The following SNX18 variants were observed in gnomAD, a reference collection of about 807,000 sequenced individuals.
The protein encoded by SNX18 is sorting nexin-18.
Under a neutral mutation model 48.7 loss-of-function variants are expected in SNX18, and 35 were observed. That is an observed-to-expected ratio of 0.72 (90% CI 0.55 to 0.95). The LOEUF (loss-of-function observed/expected upper bound fraction) is 0.95, where lower values mean the gene tolerates loss of function less well. Ranked by LOEUF, SNX18 falls within the 40% of genes least tolerant of loss-of-function variation. SNX18 has a pLI of 0.00. For synonymous variants in SNX18, 492 were observed against 384.7 expected (o/e 1.28, Z -3.26); for missense variants, 824 against 871.0 (o/e 0.95, Z 0.68).
At chr5:54,629,544 C>A in the SNX18 span, among the ~76,000 whole-genome samples, 1 of 151,988 alleles carries the variant, frequency 6.6e-6, no homozygotes, top group Admixed American at 6.6e-5. Flanking sequence ...GATTTCTGAC[C>A]CCTGTTTGAA....
chr5:54,596,085 A>C, the SNX18 span, among the ~76,000 whole-genome samples: 1 of 152,224 alleles, frequency 6.6e-6, no homozygotes, highest in African/African-American at 2.4e-5. Context: ...AAGACCTCTG[A>C]TCTCCAGAGT....
At chr5:54,586,810 G>C in the SNX18 span, among the ~76,000 whole-genome samples, 1 of 152,152 alleles carries the variant, frequency 6.6e-6, no homozygotes, top group African/African-American at 2.4e-5. Context: ...TATGAAGCCA[G>C]CAGCAAAGTC....
chr5:54,639,976 T>TTG, the SNX18 span, among the ~76,000 whole-genome samples: 1 of 152,178 alleles, frequency 6.6e-6, no homozygotes, highest in African/African-American at 2.4e-5. Flanking sequence ...TGGCACTCCA[T>TTG]TGTAAGGATT....
At chr5:54,521,180 A>G (rs181109540) in intron 1 of SNX18, among the ~76,000 whole-genome samples, 2 of 152,230 alleles carry the variant, frequency 1.3e-5, no homozygotes, top group South Asian at 2.1e-4. Context: ...AGTTTGTGCA[A>G]ATTACTGGTG....
At chr5:54,587,555 C>A in the SNX18 span, among the ~76,000 whole-genome samples, 2 of 152,258 alleles carry the variant, frequency 1.3e-5, no homozygotes, top group East Asian at 3.9e-4. Context: ...TCCTTTCTCT[C>A]CGTGGTGCCC....
rs773962863 is a variant in SNX18 at position 54,518,075 on chromosome 5, G to C, written c.123G>C (p.Gly41=). ...AGGACATCGAGGGCTGGCTCGAGGG[G>C]GTCAACAGCCGCGGCGACCGCGGCC... ...SEQDIEGWLE[G]VNSRGDRGLF... is the part of the protein sequence containing the mutation. Residue 41 remains glycine, a synonymous_variant, in exon 1 of 2, where the codon GGG becomes GGC. Transcript: ENST00000381410. The C allele has an allele frequency of 6.5e-7, 1 of 1,541,148 alleles. No individual in the cohort carries two copies.
At chr5:54,552,870 G>A in the SNX18 span, among the ~76,000 whole-genome samples, 1 of 152,120 alleles carries the variant, frequency 6.6e-6, no homozygotes, top group African/African-American at 2.4e-5. Context: ...GAGGGAGGGA[G>A]TATGAGGAGT....
the SNX18 span, among the ~76,000 whole-genome samples, chr5:54,584,478 A>AG: frequency 2.1e-4 from 32 of 152,314 alleles, no homozygotes; most frequent in African/African-American, 7.5e-4. Context: ...TTCAGCTAAA[A>AG]GTGTGATCTG....
the SNX18 span, among the ~76,000 whole-genome samples, chr5:54,561,112 G>A: frequency 3.9e-5 from 6 of 152,258 alleles, no homozygotes; most frequent in South Asian, 2.1e-4. Flanking sequence ...TCATGATCTC[G>A]GCTCACCGCC....
the SNX18 span, among the ~76,000 whole-genome samples, chr5:54,647,073 T>G: frequency 6.6e-6 from 1 of 152,224 alleles, no homozygotes; most frequent in African/African-American, 2.4e-5. Flanking sequence ...TTGTCACATG[T>G]GAAATTCTGA....
Position 54,518,078 on chromosome 5 carries a change from C to G in SNX18, c.126C>G (p.Val42=). 3.9e-6 allele frequency: 6 copies of G among 1,538,752 alleles called. No homozygotes were observed. Among genetic ancestry groups the G allele is most frequent in the Non-Finnish European group, 5.2e-6 (6 of 1,148,554 alleles). ...EQDIEGWLEG[V]NSRGDRGLFP... ...ACATCGAGGGCTGGCTCGAGGGGGT[C>G]AACAGCCGCGGCGACCGCGGCCTCT... The change falls in exon 1 of 2, where the codon GTC becomes GTG. Residue 42 remains valine, a synonymous_variant. Coordinates refer to ENST00000381410, the MANE Select transcript of SNX18 (RefSeq NM_001102575.2).
chr5:54,617,997 T>G, the SNX18 span, among the ~76,000 whole-genome samples: 2 of 152,264 alleles, frequency 1.3e-5, no homozygotes, highest in South Asian at 4.1e-4. Context: ...CAGGGTGACA[T>G]AGTTTGGTTG....
At chr5:54,523,661 A>G (rs1254793174) in intron 1 of SNX18, among the ~76,000 whole-genome samples, 2 of 152,202 alleles carry the variant, frequency 1.3e-5, no homozygotes, top group African/African-American at 2.4e-5. Context: ...ATCGCTCTCT[A>G]AATGTTCCAG....
chr5:54,551,966 G>T, the SNX18 span, among the ~76,000 whole-genome samples: 1 of 152,180 alleles, frequency 6.6e-6, no homozygotes, highest in Non-Finnish European at 1.5e-5. Flanking sequence ...CCTCAGTGTT[G>T]GCATCACCAG....
At chr5:54,626,667 T>C in the SNX18 span, among the ~76,000 whole-genome samples, 2,323 of 152,318 alleles carry the variant, frequency 0.015, 71 homozygotes, top group African/African-American at 0.053. Flanking sequence ...GAGCAGGAAG[T>C]GTGCTACCGT....
chr5:54,530,348 C>A (rs1762229654), intron 1 of SNX18, among the ~76,000 whole-genome samples: 1 of 152,182 alleles, frequency 6.6e-6, no homozygotes. Context: ...GGTGTCATCT[C>A]ATTTGGTGGC....
At chr5:54,571,605 C>G in the SNX18 span, among the ~76,000 whole-genome samples, 56 of 152,310 alleles carry the variant, frequency 3.7e-4, no homozygotes, top group East Asian at 0.01. Flanking sequence ...TTCACATTTT[C>G]CAAATACTTG....
the SNX18 span, among the ~76,000 whole-genome samples, chr5:54,575,225 G>C: frequency 3.9e-5 from 6 of 151,974 alleles, no homozygotes; most frequent in Non-Finnish European, 7.4e-5. Context: ...ACGCCGGAGA[G>C]AAAGAGATGC....
chr5:54,548,398 C>T (rs560587413), downstream of SNX18, among the ~76,000 whole-genome samples: 4 of 152,192 alleles, frequency 2.6e-5, no homozygotes, highest in Non-Finnish European at 5.9e-5. Context: ...TTTAAATTTT[C>T]TCTCACTCCA....
Sources: gnomAD v4.1 joint callset for allele counts (sites outside exome capture counted in the v4.1 genomes callset) on GRCh38, gnomAD v4.1.1 for gene constraint, MANE v1.5 for transcripts, NCBI Gene and HGNC (gene_info 2026-07-23, HGNC 2026-07-21) for gene names.